The following CAMKMT variants were observed in gnomAD, a reference collection of about 807,000 sequenced individuals.
CAMKMT encodes calmodulin-lysine N-methyltransferase.
A neutral mutation model predicts 48.0 loss-of-function variants in CAMKMT; 53 were observed. The observed-to-expected ratio is 1.10, with a 90% CI of 0.89 to 1.39. The LOEUF is 1.39. Among genes scored for constraint, CAMKMT ranks in the 40% most tolerant of loss-of-function variants. CAMKMT has a pLI of 0.00. For missense variants in CAMKMT, 428 were observed against 402.7 expected, an observed-to-expected ratio of 1.06 and a Z score of -0.54; for synonymous variants, 165 against 152.3, an observed-to-expected ratio of 1.08 and a Z score of -0.61.
chr2:44,656,966 G>A (rs1674414920), intron 3 of CAMKMT, among the ~76,000 whole-genome samples: 1 of 152,170 alleles, frequency 6.6e-6, no homozygotes, highest in Non-Finnish European at 1.5e-5. Flanking sequence ...CTCTCAAGAA[G>A]CACCTACTAT....
At chr2:44,593,202 G>A (rs1164175134) in intron 3 of CAMKMT, among the ~76,000 whole-genome samples, 1 of 152,168 alleles carries the variant, frequency 6.6e-6, no homozygotes, top group Non-Finnish European at 1.5e-5. Context: ...TCAACTCAAT[G>A]TTCAATGCAT....
At chr2:44,475,319 ATTT>A (rs11318687) in intron 3 of CAMKMT, among the ~76,000 whole-genome samples, 5 of 142,354 alleles carry the variant, frequency 3.5e-5, no homozygotes, top group Admixed American at 7.0e-5. Context: ...ATAGGTTGAA[ATTT>A]TTTTTTTTTT....
intron 3 of CAMKMT, among the ~76,000 whole-genome samples, chr2:44,542,078 G>T (rs1333020061): frequency 6.7e-6 from 1 of 149,038 alleles, no homozygotes; most frequent in Non-Finnish European, 1.5e-5. Flanking sequence ...GCGGTGAGCC[G>T]AGATCGTGCC....
At chr2:44,710,077 G>A (rs771445712) in intron 6 of CAMKMT, among the ~76,000 whole-genome samples, 2 of 150,516 alleles carry the variant, frequency 1.3e-5, no homozygotes, top group Non-Finnish European at 3.0e-5. Flanking sequence ...AGTCTCTTAA[G>A]CTTCTAAGAT....
chr2:44,523,226 C>G (rs1048211489), intron 3 of CAMKMT, among the ~76,000 whole-genome samples: 1 of 151,700 alleles, frequency 6.6e-6, no homozygotes, highest in Non-Finnish European at 1.5e-5. Flanking sequence ...TTGGGATAGT[C>G]ACAGCAGGCA....
intron 3 of CAMKMT, among the ~76,000 whole-genome samples, chr2:44,641,401 A>G (rs975743711): frequency 1.3e-5 from 2 of 152,160 alleles, no homozygotes; most frequent in Admixed American, 1.3e-4. Context: ...TATTAGGAAC[A>G]GCAGTTTTCC....
intron 3 of CAMKMT, among the ~76,000 whole-genome samples, chr2:44,660,353 C>T (rs1674613878): frequency 6.6e-6 from 1 of 152,184 alleles, no homozygotes; most frequent in Non-Finnish European, 1.5e-5. Flanking sequence ...TATAGATCTC[C>T]TGGAAGTGTC....
intron 3 of CAMKMT, among the ~76,000 whole-genome samples, chr2:44,587,158 T>C (rs1331749003): frequency 1.3e-5 from 2 of 152,232 alleles, no homozygotes; most frequent in Non-Finnish European, 2.9e-5. Context: ...ATTTTGAGAA[T>C]TCTTTATTCT....
At chr2:44,731,480 TC>T (rs1263830307) in intron 7 of CAMKMT, among the ~76,000 whole-genome samples, 27 of 152,210 alleles carry the variant, frequency 1.8e-4, no homozygotes, top group Non-Finnish European at 1.5e-4. Context: ...TTATCTGTGA[TC>T]ACTGCAATGA....
chr2:44,521,380 G>A (rs1010855588), intron 3 of CAMKMT, among the ~76,000 whole-genome samples: 6 of 152,084 alleles, frequency 3.9e-5, no homozygotes, highest in South Asian at 2.1e-4. Flanking sequence ...CCAGGTTCAA[G>A]CGATTCCTGT....
At chr2:44,751,012 C>G (rs1169838703) in intron 8 of CAMKMT, among the ~76,000 whole-genome samples, 2 of 147,482 alleles carry the variant, frequency 1.4e-5, no homozygotes, top group African/African-American at 5.0e-5. Context: ...GACTCGGTCT[C>G]AAAAAAAAAA....
At chr2:44,640,293 A>G (rs371876420) in intron 3 of CAMKMT, among the ~76,000 whole-genome samples, 16 of 152,310 alleles carry the variant, frequency 1.1e-4, no homozygotes, top group African/African-American at 3.8e-4. Flanking sequence ...ACAAAGAAAT[A>G]TCACCTATGA....
intron 3 of CAMKMT, among the ~76,000 whole-genome samples, chr2:44,602,408 TTTA>T (rs927158863): frequency 1.2e-4 from 18 of 152,102 alleles, no homozygotes; most frequent in African/African-American, 4.4e-4. Context: ...TTCCAACATT[TTTA>T]TTAAGAGAAC....
rs1302420476 is a variant in CAMKMT, at chr2:44,502,730, AG to A, written c.376+112426del. On this transcript the variant is annotated intron_variant, in intron 3 of 10. Coordinates refer to ENST00000378494, the MANE Select transcript of CAMKMT (RefSeq NM_024766.5). ...AGCCCAGCATGCATATCCACCTTCAAGATTTAATAATTTGAGATTTCAACTG... is the reference window on the plus strand; with the variant it reads ...AGCCCAGCATGCATATCCACCTTCAAATTTAATAATTTGAGATTTCAACTG... 6.6e-5 allele frequency among the ~76,000 whole-genome samples: 10 copies of A among 152,314 alleles called. No homozygotes were observed. In the East Asian group the frequency reaches 1.9e-3, roughly 29 times the overall value.
At chr2:44,484,636 A>C (rs1669126397) in intron 3 of CAMKMT, among the ~76,000 whole-genome samples, 1 of 151,836 alleles carries the variant, frequency 6.6e-6, no homozygotes, top group African/African-American at 2.4e-5. Flanking sequence ...TTCTAACATT[A>C]ATGCATAAGA....
At chr2:44,702,038 T>C (rs1435616673) in intron 3 of CAMKMT, among the ~76,000 whole-genome samples, 1 of 152,172 alleles carries the variant, frequency 6.6e-6, no homozygotes, top group Admixed American at 6.6e-5. Flanking sequence ...TTTGAGACAA[T>C]TATAAAACTA....
At chr2:44,529,855 T>C (rs1363645504) in intron 3 of CAMKMT, among the ~76,000 whole-genome samples, 3 of 152,204 alleles carry the variant, frequency 2.0e-5, no homozygotes, top group Non-Finnish European at 1.5e-5. Flanking sequence ...GTGAGTAATT[T>C]GAGAAATTTC....
chr2:44,630,859 A>G (rs2103967030), intron 3 of CAMKMT, among the ~76,000 whole-genome samples: 2 of 152,034 alleles, frequency 1.3e-5, no homozygotes, highest in South Asian at 4.2e-4. Context: ...GGGATCTAGA[A>G]CTAGAAATAC....
At chr2:44,695,905 CA>C (rs112927433) in intron 3 of CAMKMT, among the ~76,000 whole-genome samples, 2,304 of 123,662 alleles carry the variant, frequency 0.019, 41 homozygotes, top group African/African-American at 0.056. Flanking sequence ...CCAAAATATT[CA>C]AAAAAAAAAA....
Sources: gnomAD v4.1 joint callset for allele counts (sites outside exome capture counted in the v4.1 genomes callset) on GRCh38, gnomAD v4.1.1 for gene constraint, MANE v1.5 for transcripts, NCBI Gene and HGNC (gene_info 2026-07-23, HGNC 2026-07-21) for gene names.